Variants in CD302 observed in about 807,000 individuals in gnomAD.
CD302 encodes the protein CD302 molecule.
Under a neutral mutation model 26.5 loss-of-function variants are expected in CD302, and 23 were observed. The observed-to-expected ratio is 0.87, with a 90% CI of 0.62 to 1.23. The LOEUF is 1.23. CD302 is among the 50% of genes most tolerant of loss of function. The pLI, the probability that CD302 is intolerant of heterozygous loss-of-function variation, is 0.00. For missense variants in CD302, 290 were observed against 275.5 expected (o/e 1.05, Z -0.37); for synonymous variants, 90 against 99.4 (o/e 0.91, Z 0.56).
intron 5 of CD302, among the ~76,000 whole-genome samples, chr2:159,773,354 G>T (rs962017537): frequency 3.9e-5 from 6 of 152,192 alleles, no homozygotes; most frequent in Non-Finnish European, 1.5e-5. Flanking sequence ...TCCATTTTCA[G>T]TGTAGAACCT....
rs372982595 is a variant in CD302, at chr2:159,795,392, C to A, written c.67+2740G>T. 5.3e-5 allele frequency among the ~76,000 whole-genome samples: 8 copies of A among 152,246 alleles called. No individual in the cohort carries two copies. The East Asian group carries it at 1.5e-3, about 29-fold the overall frequency. ...AATAACTCACCTAAATTTTTTCATC[C>A]TTTTATTATAACTTAGAATAAAGTG... On this transcript the variant is annotated intron_variant, in intron 1 of 5. Transcript: ENST00000259053.
chr2:159,793,026 C>T (rs1285134379), intron 1 of CD302, among the ~76,000 whole-genome samples: 1 of 152,152 alleles, frequency 6.6e-6, no homozygotes. Flanking sequence ...CGTTCATGCA[C>T]CTCATGAACA....
chr2:159,793,730 A>G (rs1472796743), intron 1 of CD302, among the ~76,000 whole-genome samples: 2 of 152,140 alleles, frequency 1.3e-5, no homozygotes, highest in Admixed American at 6.5e-5. Flanking sequence ...CTGAGCTTCA[A>G]GATCTCTCTG....
chr2:159,777,249 G>T (rs1318255101), intron 5 of CD302, among the ~76,000 whole-genome samples: 2 of 152,142 alleles, frequency 1.3e-5, no homozygotes, highest in East Asian at 3.8e-4. Flanking sequence ...TTTCACAAAA[G>T]ATATACAAAT....
intron 5 of CD302, among the ~76,000 whole-genome samples, chr2:159,774,927 T>C (rs1378337287): frequency 6.6e-6 from 1 of 152,238 alleles, no homozygotes; most frequent in African/African-American, 2.4e-5. Flanking sequence ...GTTTTACTCC[T>C]TAAAGTCAGA....
chr2:159,788,756 A>G (rs1708732329), intron 1 of CD302, among the ~76,000 whole-genome samples: 3 of 152,290 alleles, frequency 2.0e-5, no homozygotes, highest in South Asian at 2.1e-4. Context: ...TAAGAATTCA[A>G]TGCACTTTCT....
intron 4 of CD302, among the ~76,000 whole-genome samples, chr2:159,779,056 C>T (rs1708424255): frequency 6.6e-6 from 1 of 151,376 alleles, no homozygotes; most frequent in African/African-American, 2.4e-5. Context: ...ATGGTGAAAC[C>T]CCATCTCTAC....
chr2:159,792,109 T>C (rs1392951118), intron 1 of CD302, among the ~76,000 whole-genome samples: 1 of 152,192 alleles, frequency 6.6e-6, no homozygotes, highest in East Asian at 1.9e-4. Flanking sequence ...TGGCTAGGGC[T>C]GCAGCCATCT....
At chr2:159,774,156 G>A (rs992320750) in intron 5 of CD302, among the ~76,000 whole-genome samples, 1 of 151,366 alleles carries the variant, frequency 6.6e-6, no homozygotes, top group African/African-American at 2.4e-5. Context: ...TTTTTCAGAC[G>A]ACTGCTTCCT....
At chr2:159,795,913 G>A (rs1574506722) in intron 1 of CD302, among the ~76,000 whole-genome samples, 3 of 152,332 alleles carry the variant, frequency 2.0e-5, no homozygotes, top group Admixed American at 2.0e-4. Context: ...CCAGGCATAG[G>A]AAACCACTGA....
chr2:159,792,964 G>A (rs752531629), intron 1 of CD302, among the ~76,000 whole-genome samples: 1 of 152,196 alleles, frequency 6.6e-6, no homozygotes, highest in Non-Finnish European at 1.5e-5. Flanking sequence ...TTTACTTTGA[G>A]AAGAACAGTG....
intron 1 of CD302, among the ~76,000 whole-genome samples, chr2:159,794,710 G>A (rs1416049181): frequency 3.3e-5 from 5 of 150,452 alleles, no homozygotes; most frequent in East Asian, 2.0e-4. Context: ...CACCACGCCC[G>A]GCTAATTTTT....
chr2:159,789,195 T>G (rs868394758), intron 1 of CD302, among the ~76,000 whole-genome samples: 1 of 151,280 alleles, frequency 6.6e-6, no homozygotes, highest in South Asian at 2.1e-4. Context: ...GAGACAGGGG[T>G]GTCACTATAT....
chr2:159,770,144 G>A lies in CD302; in HGVS notation c.*1707C>T, dbSNP rs1268121900. ...ACGCCATATTTTTTTTACTGTGCCTGTAGTTCTTCAAGGAGTGGTACAATT... is the reference window on the plus strand; with the variant it reads ...ACGCCATATTTTTTTTACTGTGCCTATAGTTCTTCAAGGAGTGGTACAATT... On this transcript the variant is annotated 3_prime_UTR_variant, in exon 6 of 6. Coordinates refer to ENST00000259053, the MANE Select transcript of CD302 (RefSeq NM_014880.5). 1 of 152,048 alleles carries A rather than the reference G, an allele frequency of 6.6e-6. No individual in the cohort carries two copies. Among genetic ancestry groups the A allele is most frequent in the Non-Finnish European group, 1.5e-5 (1 of 68,016 alleles). 9.4% of individuals were successfully genotyped at this position (152,048 alleles called of 1,614,324 possible).
intron 5 of CD302, among the ~76,000 whole-genome samples, chr2:159,772,749 T>C (rs1708194192): frequency 6.6e-6 from 1 of 152,194 alleles, no homozygotes; most frequent in African/African-American, 2.4e-5. Flanking sequence ...TTTTGACAGA[T>C]TTTTTATTAT....
Position 159,771,674 on chromosome 2 carries a change from C to CTGTTT in CD302, c.*172_*176dup, listed in dbSNP as rs1553790284. 2.8e-6 allele frequency: 2 copies of CTGTTT among 705,286 alleles called. No homozygotes were observed. Among genetic ancestry groups the CTGTTT allele is most frequent in the African/African-American group, 3.6e-5 (2 of 55,318 alleles). 43.7% of individuals were successfully genotyped at this position (705,286 alleles called of 1,614,324 possible). ...TTAGATCTAAGATCATTTCTAAAAC[C>CTGTTT]TGTTTTTTTAATGAACCTAAAGACT... is the stretch of plus-strand genomic sequence containing the variant. On this transcript the variant is annotated 3_prime_UTR_variant, in exon 6 of 6. Transcript: ENST00000259053.
chr2:159,775,332 C>T (rs1466227715), intron 5 of CD302, among the ~76,000 whole-genome samples: 1 of 152,200 alleles, frequency 6.6e-6, no homozygotes, highest in Non-Finnish European at 1.5e-5. Context: ...TCAGAGATTA[C>T]TTTTCTTGTA....
At chr2:159,797,239 T>C (rs971116093) in intron 1 of CD302, among the ~76,000 whole-genome samples, 12 of 149,722 alleles carry the variant, frequency 8.0e-5, no homozygotes, top group Admixed American at 2.0e-4. Flanking sequence ...GGGGAATCTC[T>C]TGCATTTTAT....
At chr2:159,783,511 A>G in intron 1 of CD302, 42 bp from the exon 2 acceptor site, 1 of 1,467,518 alleles carries the variant, frequency 6.8e-7, no homozygotes, top group East Asian at 2.3e-5. Context: ...AACTTGAGAA[A>G]AAGAATTACA....
Sources: allele counts gnomAD v4.1 joint callset (sites outside exome capture counted in the v4.1 genomes callset), GRCh38; gene constraint gnomAD v4.1.1; transcripts MANE v1.5; gene names NCBI Gene and HGNC (gene_info 2026-07-23, HGNC 2026-07-21).